TRAPPC10: variants seen among roughly 807,000 people sequenced by gnomAD.
TRAPPC10 encodes the protein trafficking protein particle complex subunit 10.
In TRAPPC10, 23 loss-of-function variants were observed where a neutral mutation model predicts 125.5. The ratio of observed to expected loss-of-function variants is 0.18; its 90% confidence interval spans 0.13 to 0.26. The LOEUF (loss-of-function observed/expected upper bound fraction) is 0.26. Ranked by LOEUF, TRAPPC10 falls within the 10% of genes least tolerant of loss-of-function variation. The pLI, the probability that TRAPPC10 is intolerant of heterozygous loss-of-function variation, is 1.00. For missense variants in TRAPPC10, 1,123 were observed against 1,308.4 expected (o/e 0.86, Z 2.19); for synonymous variants, 509 against 518.0 (o/e 0.98, Z 0.24).
At chr21:44,035,421 G>T (rs1056614302) in intron 2 of TRAPPC10, among the ~76,000 whole-genome samples, 1 of 152,106 alleles carries the variant, frequency 6.6e-6, no homozygotes, top group African/African-American at 2.4e-5. Flanking sequence ...AGACATGGAT[G>T]TGTGTGTGTG....
intron 7 of TRAPPC10, among the ~76,000 whole-genome samples, chr21:44,065,573 C>T (rs1420230624): frequency 6.6e-6 from 1 of 152,156 alleles, no homozygotes; most frequent in African/African-American, 2.4e-5. Flanking sequence ...GACGTGTCAC[C>T]CACTGATGAC....
intron 15 of TRAPPC10, 110 bp downstream of exon 15, chr21:44,084,373 A>G (rs2037979569): frequency 2.7e-6 from 3 of 1,127,318 alleles, no homozygotes; most frequent in Admixed American, 3.3e-5. Flanking sequence ...CCTTTAAGAG[A>G]TATTTTGGGT....
At chr21:44,021,083 A>G (rs1026503145) in intron 1 of TRAPPC10, among the ~76,000 whole-genome samples, 16 of 152,210 alleles carry the variant, frequency 1.1e-4, no homozygotes, top group Non-Finnish European at 2.2e-4. Flanking sequence ...TAAGCTATAC[A>G]CTAGAAATTT....
chr21:44,073,752 C>T (rs984192803), intron 7 of TRAPPC10, among the ~76,000 whole-genome samples: 2 of 152,104 alleles, frequency 1.3e-5, no homozygotes, highest in African/African-American at 4.8e-5. Flanking sequence ...GCTCTTTTTC[C>T]CAAACATAAA....
chr21:44,062,755 C>T (rs2036154079), intron 6 of TRAPPC10: 1 of 985,410 alleles, frequency 1.0e-6, no homozygotes, highest in South Asian at 4.7e-5. Flanking sequence ...ACTATGCGCT[C>T]CCCGGGTCTG....
At chr21:44,045,700 C>T (rs1205675091) in intron 3 of TRAPPC10, among the ~76,000 whole-genome samples, 2 of 151,556 alleles carry the variant, frequency 1.3e-5, no homozygotes, top group Non-Finnish European at 2.9e-5. Context: ...TATAGGTGCC[C>T]GCCACCATGC....
chr21:44,064,591 G>T (rs2036301730), intron 7 of TRAPPC10, among the ~76,000 whole-genome samples: 1 of 152,166 alleles, frequency 6.6e-6, no homozygotes, highest in Non-Finnish European at 1.5e-5. Flanking sequence ...TCTCCTGAGT[G>T]AGTGGTCTCT....
chr21:44,059,094 G>T lies in TRAPPC10; in HGVS notation c.679-9G>T. ...TTGTTTTTTTAAAAAACGTATCTTG[G>T]GCGAATAGGAGGAGCTTGCCTTTGT... On this transcript the variant is annotated splice_polypyrimidine_tract_variant and intron_variant, in intron 5 of 22. Coordinates refer to ENST00000291574, the MANE Select transcript of TRAPPC10 (RefSeq NM_003274.5). The surrounding 1 kb of genome is among the most constrained non-coding windows in gnomAD (Gnocchi z 4.4). 6.3e-7 allele frequency: 1 copy of T among 1,577,936 alleles called. No individual in the cohort carries two copies. Among genetic ancestry groups the T allele is most frequent in the Non-Finnish European group, 8.6e-7 (1 of 1,164,324 alleles).
intron 1 of TRAPPC10, among the ~76,000 whole-genome samples, chr21:44,026,341 A>T (rs893212842): frequency 1.3e-5 from 2 of 152,182 alleles, no homozygotes; most frequent in African/African-American, 4.8e-5. Context: ...CTGAAGCATT[A>T]ATTTTCATTA....
At chr21:44,056,924 A>G (rs2035636858) in intron 5 of TRAPPC10, among the ~76,000 whole-genome samples, 1 of 149,818 alleles carries the variant, frequency 6.7e-6, no homozygotes, top group Admixed American at 6.6e-5. Flanking sequence ...GAAGCTGAGT[A>G]AGGGCTATAT....
chr21:44,067,615 G>A (rs2036545901), intron 7 of TRAPPC10, among the ~76,000 whole-genome samples: 2 of 152,172 alleles, frequency 1.3e-5, no homozygotes, highest in African/African-American at 2.4e-5. Flanking sequence ...GCACATAAAT[G>A]AAGAGGAAAG....
At chr21:44,060,947 C>CACACACACACT (rs1555945307) in intron 6 of TRAPPC10, among the ~76,000 whole-genome samples, 1 of 143,556 alleles carries the variant, frequency 7.0e-6, no homozygotes, top group South Asian at 2.2e-4. Context: ...CACACACACA[C>CACACACACACT]TTTTTTTTTG....
chr21:44,068,488 A>G (rs1001224720), intron 7 of TRAPPC10, among the ~76,000 whole-genome samples: 7 of 152,310 alleles, frequency 4.6e-5, no homozygotes, highest in South Asian at 2.1e-4. Context: ...GAGCCATGAA[A>G]GGTTAGGACC....
At chr21:44,075,682 C>T (rs977612557) in intron 9 of TRAPPC10, among the ~76,000 whole-genome samples, 10 of 152,140 alleles carry the variant, frequency 6.6e-5, no homozygotes, top group South Asian at 4.1e-4. Context: ...GATGGAGTCT[C>T]GCTGTATTGC....
At chr21:44,077,015 G>A (rs1165380543) in intron 10 of TRAPPC10, among the ~76,000 whole-genome samples, 1 of 152,154 alleles carries the variant, frequency 6.6e-6, no homozygotes, top group African/African-American at 2.4e-5. Flanking sequence ...GGCGTAGGCA[G>A]AAGTGTGGTG....
rs1327641811 is a variant in TRAPPC10 at position 44,087,995 on chromosome 21, G to A, written c.2769+67G>A. 6.0e-6 allele frequency: 8 copies of A among 1,338,698 alleles called. No individual in the cohort carries two copies. Among genetic ancestry groups the A allele is most frequent in the Non-Finnish European group, 8.4e-6 (8 of 957,982 alleles). 82.9% of individuals were successfully genotyped at this position (1,338,698 alleles called of 1,614,324 possible). ...GCCGCCCGCCTGCCTGCTGGGAAAG[G>A]CGATGTAGCGATGCCTGCTGTTAGC... is the stretch of plus-strand genomic sequence containing the variant. On this transcript the variant is annotated intron_variant, in intron 17 of 22. Transcript: ENST00000291574. This position sits in a 1 kb window ranked among gnomAD's most constrained non-coding sequence, Gnocchi z 4.6.
chr21:44,084,576 T>C (rs913795431), intron 15 of TRAPPC10, among the ~76,000 whole-genome samples: 1 of 152,192 alleles, frequency 6.6e-6, no homozygotes, highest in Non-Finnish European at 1.5e-5. Flanking sequence ...CTCAACCTAA[T>C]GGTCAATGCA....
chr21:44,047,529 A>AGTGT (rs775813570), intron 3 of TRAPPC10, among the ~76,000 whole-genome samples: 1,452 of 104,430 alleles, frequency 0.014, 15 homozygotes, highest in South Asian at 0.017. Flanking sequence ...TCTCTGGGGG[A>AGTGT]GTATGTGTGT....
At chr21:44,057,595 T>G (rs972782547) in intron 5 of TRAPPC10, among the ~76,000 whole-genome samples, 2 of 152,218 alleles carry the variant, frequency 1.3e-5, no homozygotes, top group African/African-American at 4.8e-5. Context: ...TGAGCTGTAC[T>G]TTTAAAAATG....
Sources: gnomAD v4.1 joint callset for allele counts (sites outside exome capture counted in the v4.1 genomes callset) on GRCh38, gnomAD v4.1.1 for gene constraint, Gnocchi (gnomAD v3.1) non-coding constraint, MANE v1.5 for transcripts, NCBI Gene and HGNC (gene_info 2026-07-23, HGNC 2026-07-21) for gene names.